Variants in CSMD1 observed in about 807,000 individuals in gnomAD.
CSMD1 encodes the protein CUB and sushi domain-containing protein 1.
Under a neutral mutation model 417.5 loss-of-function variants are expected in CSMD1, and 213 were observed. The observed-to-expected ratio is 0.51, with a 90% CI of 0.46 to 0.57. The LOEUF is 0.57. CSMD1 is among the 20% of genes least tolerant of loss of function. The pLI is 0.00. For synonymous variants in CSMD1, 2,862 were observed against 1,736.8 expected (o/e 1.65, Z -16.11); for missense variants, 6,923 against 4,529.7 (o/e 1.53, Z -15.17).
At chr8:4,406,462 T>A (rs1290698586) in intron 3 of CSMD1, among the ~76,000 whole-genome samples, 8 of 152,196 alleles carry the variant, frequency 5.3e-5, no homozygotes, top group Non-Finnish European at 1.0e-4. Flanking sequence ...ATAAATCTAC[T>A]CATCATCCTC....
At chr8:3,427,549 G>T (rs1360629698) in intron 12 of CSMD1, among the ~76,000 whole-genome samples, 1 of 151,904 alleles carries the variant, frequency 6.6e-6, no homozygotes, top group Non-Finnish European at 1.5e-5. Context: ...ATCAATATAG[G>T]TGTATGGAAA....
intron 1 of CSMD1, among the ~76,000 whole-genome samples, chr8:4,905,947 C>A (rs1805240876): frequency 6.6e-6 from 1 of 152,158 alleles, no homozygotes; most frequent in African/African-American, 2.4e-5. Flanking sequence ...GTTTCCCAAA[C>A]CCCCATTCAT....
At chr8:3,022,259 CCGCAA>C (rs1809493313) in intron 51 of CSMD1, among the ~76,000 whole-genome samples, 1 of 148,706 alleles carries the variant, frequency 6.7e-6, no homozygotes, top group African/African-American at 2.5e-5. Flanking sequence ...TGGAATGCAC[CCGCAA>C]TCCCACATCC....
chr8:3,263,305 G>A (rs1458725993), intron 26 of CSMD1, among the ~76,000 whole-genome samples: 2 of 152,146 alleles, frequency 1.3e-5, no homozygotes, highest in Non-Finnish European at 1.5e-5. Flanking sequence ...CACCATGTTG[G>A]CCAGGCTAGT....
chr8:2,981,746 G>C (rs113574149), intron 54 of CSMD1, among the ~76,000 whole-genome samples: 9 of 152,212 alleles, frequency 5.9e-5, no homozygotes, highest in Non-Finnish European at 1.0e-4. Flanking sequence ...CGAAAGCTGG[G>C]TATGTGGAAA....
chr8:3,129,550 G>C (rs950647264), intron 41 of CSMD1, among the ~76,000 whole-genome samples: 1 of 151,048 alleles, frequency 6.6e-6, no homozygotes, highest in African/African-American at 2.4e-5. Flanking sequence ...CGAGGTGGGT[G>C]GATCACTTGA....
chr8:4,823,659 C>A (rs1799646161), intron 1 of CSMD1, among the ~76,000 whole-genome samples: 2 of 151,984 alleles, frequency 1.3e-5, no homozygotes, highest in African/African-American at 4.8e-5. Context: ...GCAATAATCA[C>A]AACACTGACA....
At chr8:4,981,774 T>C (rs1810902051) in intron 1 of CSMD1, among the ~76,000 whole-genome samples, 2 of 152,248 alleles carry the variant, frequency 1.3e-5, no homozygotes, top group South Asian at 4.1e-4. Flanking sequence ...ACCCGTGGCT[T>C]CCTTTCAACC....
chr8:4,436,436 G>C (rs1321670620), intron 2 of CSMD1, among the ~76,000 whole-genome samples: 1 of 151,868 alleles, frequency 6.6e-6, no homozygotes, highest in Non-Finnish European at 1.5e-5. Flanking sequence ...GTATTTGTGG[G>C]GTACATGGCA....
At chr8:4,425,683 G>C (rs577545942) in intron 2 of CSMD1, among the ~76,000 whole-genome samples, 1 of 148,616 alleles carries the variant, frequency 6.7e-6, no homozygotes, top group Non-Finnish European at 1.5e-5. Flanking sequence ...CTTCTTATAA[G>C]CAACTGGCTT....
intron 41 of CSMD1, 38 bp downstream of exon 41, chr8:3,142,426 AT>A: frequency 6.7e-7 from 1 of 1,485,550 alleles, no homozygotes; most frequent in Non-Finnish European, 9.3e-7. Flanking sequence ...TAAGAAGTGT[AT>A]TTAGATTTGG....
At chr8:3,642,083 G>A (rs906677838) in intron 7 of CSMD1, among the ~76,000 whole-genome samples, 18 of 151,916 alleles carry the variant, frequency 1.2e-4, no homozygotes, top group Non-Finnish European at 2.4e-4. Flanking sequence ...GAGGGCAAAG[G>A]ATACAGCAGA....
chr8:4,749,915 C>G (rs540029732), intron 1 of CSMD1, among the ~76,000 whole-genome samples: 9 of 151,964 alleles, frequency 5.9e-5, no homozygotes, highest in Non-Finnish European at 1.2e-4. Flanking sequence ...TCTAGATTGT[C>G]AAGCGCCACT....
intron 52 of CSMD1, among the ~76,000 whole-genome samples, chr8:3,008,100 C>A (rs946556112): frequency 6.6e-6 from 1 of 152,120 alleles, no homozygotes; most frequent in African/African-American, 2.4e-5. Context: ...AGCACAGAGA[C>A]TGGTAGCAAG....
intron 7 of CSMD1, among the ~76,000 whole-genome samples, chr8:3,674,913 G>A (rs1215450002): frequency 6.6e-6 from 1 of 152,142 alleles, no homozygotes; most frequent in African/African-American, 2.4e-5. Flanking sequence ...GGAAGATAAT[G>A]AACTTATGCA....
intron 41 of CSMD1, among the ~76,000 whole-genome samples, chr8:3,130,144 T>C (rs1817718253): frequency 6.6e-6 from 1 of 152,154 alleles, no homozygotes; most frequent in Non-Finnish European, 1.5e-5. Context: ...GGCTCAGATA[T>C]TAAGATCATG....
chr8:3,317,539 G>C (rs575570259), intron 23 of CSMD1, among the ~76,000 whole-genome samples: 1 of 152,216 alleles, frequency 6.6e-6, no homozygotes, highest in Admixed American at 6.5e-5. Flanking sequence ...TCTTTGTATA[G>C]CAAGGGGTGA....
intron 5 of CSMD1, among the ~76,000 whole-genome samples, chr8:3,764,889 G>A (rs940417565): frequency 1.1e-4 from 17 of 151,868 alleles, no homozygotes; most frequent in African/African-American, 4.1e-4. Context: ...TGGGATTAAG[G>A]TGACTGCCAC....
intron 4 of CSMD1, among the ~76,000 whole-genome samples, chr8:4,027,555 C>T (rs1186689433): frequency 6.6e-6 from 1 of 152,098 alleles, no homozygotes; most frequent in Non-Finnish European, 1.5e-5. Context: ...TGAAAACGTG[C>T]CTTCCATCAT....
Sources: allele counts gnomAD v4.1 joint callset (sites outside exome capture counted in the v4.1 genomes callset), GRCh38; gene constraint gnomAD v4.1.1; transcripts MANE v1.5; gene names NCBI Gene and HGNC (gene_info 2026-07-23, HGNC 2026-07-21).